NAALADL2: variants seen among roughly 807,000 people sequenced by gnomAD.
NAALADL2 encodes inactive N-acetylated-alpha-linked acidic dipeptidase-like protein 2.
In NAALADL2, 76 loss-of-function variants were observed where a neutral mutation model predicts 87.2. The observed-to-expected ratio is 0.87, with a 90% CI of 0.72 to 1.05. NAALADL2 has a LOEUF of 1.05. NAALADL2 is among the 50% of genes least tolerant of loss of function. NAALADL2 has a pLI of 0.00. For missense variants in NAALADL2, 1,089 were observed against 945.8 expected (o/e 1.15, Z -1.99); for synonymous variants, 354 against 331.0 (o/e 1.07, Z -0.75).
At chr3:174,707,920 T>G (rs1730253474) in intron 2 of NAALADL2, among the ~76,000 whole-genome samples, 1 of 152,168 alleles carries the variant, frequency 6.6e-6, no homozygotes, top group South Asian at 2.1e-4. Context: ...AGTATGTATT[T>G]ATAGACATAA....
intron 3 of NAALADL2, among the ~76,000 whole-genome samples, chr3:174,798,748 AT>A (rs1214927573): frequency 6.6e-6 from 1 of 152,076 alleles, no homozygotes; most frequent in Non-Finnish European, 1.5e-5. Context: ...AATATAATCA[AT>A]TTTTTATATA....
intron 1 of NAALADL2, among the ~76,000 whole-genome samples, chr3:174,516,340 A>G (rs181454240): frequency 6.6e-6 from 1 of 152,234 alleles, no homozygotes; most frequent in Admixed American, 6.5e-5. Flanking sequence ...GTGAAAGGAA[A>G]TACTATCTAC....
intron 2 of NAALADL2, among the ~76,000 whole-genome samples, chr3:175,132,779 C>G (rs1429838389): frequency 1.4e-5 from 2 of 141,948 alleles, no homozygotes; most frequent in Non-Finnish European, 3.1e-5. Flanking sequence ...GCTCTCCTGG[C>G]GGGGGCTGAC....
chr3:175,770,759 T>A (rs1355016988), intron 13 of NAALADL2, among the ~76,000 whole-genome samples: 1 of 152,168 alleles, frequency 6.6e-6, no homozygotes, highest in Non-Finnish European at 1.5e-5. Context: ...AATCTAATTT[T>A]ACACAATATA....
intron 9 of NAALADL2, among the ~76,000 whole-genome samples, chr3:175,505,875 A>G (rs778736024): frequency 6.6e-6 from 1 of 152,194 alleles, no homozygotes; most frequent in Non-Finnish European, 1.5e-5. Flanking sequence ...AAAGACTTAC[A>G]TCATTGGATT....
At chr3:175,274,198 G>A (rs1027891489) in intron 4 of NAALADL2, among the ~76,000 whole-genome samples, 1 of 152,140 alleles carries the variant, frequency 6.6e-6, no homozygotes, top group Non-Finnish European at 1.5e-5. Flanking sequence ...GCAAGAAGGT[G>A]TGTGCAGGGG....
At chr3:175,578,822 T>C (rs74466272) in intron 10 of NAALADL2, among the ~76,000 whole-genome samples, 1,784 of 152,374 alleles carry the variant, frequency 0.012, 29 homozygotes, top group African/African-American at 0.038. Flanking sequence ...TTGTGTACTT[T>C]TTCTCCACGG....
intron 5 of NAALADL2, among the ~76,000 whole-genome samples, chr3:175,392,882 G>A (rs1219222391): frequency 1.3e-5 from 2 of 152,168 alleles, no homozygotes; most frequent in Non-Finnish European, 2.9e-5. Flanking sequence ...CTAAATGAGG[G>A]CAATTTGCAC....
intron 3 of NAALADL2, among the ~76,000 whole-genome samples, chr3:174,771,466 C>T (rs1348677984): frequency 6.6e-6 from 1 of 152,098 alleles, no homozygotes; most frequent in African/African-American, 2.4e-5. Context: ...GGGTAATGTG[C>T]TGAGGTACAA....
At chr3:174,838,682 C>T (rs952825750) in intron 3 of NAALADL2, among the ~76,000 whole-genome samples, 26 of 152,148 alleles carry the variant, frequency 1.7e-4, no homozygotes, top group African/African-American at 6.3e-4. Context: ...AAATCAGTAA[C>T]TCTTCTATAC....
chr3:175,285,940 A>G (rs1251089595), intron 4 of NAALADL2, among the ~76,000 whole-genome samples: 1 of 152,204 alleles, frequency 6.6e-6, no homozygotes, highest in South Asian at 2.1e-4. Context: ...AGAATATACT[A>G]TGTCAAAGTG....
chr3:174,779,129 C>T (rs945757396), intron 3 of NAALADL2, among the ~76,000 whole-genome samples: 3 of 152,198 alleles, frequency 2.0e-5, no homozygotes, highest in African/African-American at 7.2e-5. Context: ...TCCACATTCT[C>T]TCCAGCATCT....
chr3:174,687,435 T>G (rs1041628048), intron 2 of NAALADL2, among the ~76,000 whole-genome samples: 17 of 152,116 alleles, frequency 1.1e-4, no homozygotes, highest in Non-Finnish European at 2.2e-4. Flanking sequence ...ATTTGTAATG[T>G]GTGTTTTGGC....
At chr3:174,889,407 C>T (rs1000821097) in intron 1 of NAALADL2, among the ~76,000 whole-genome samples, 1 of 152,104 alleles carries the variant, frequency 6.6e-6, no homozygotes, top group Non-Finnish European at 1.5e-5. Context: ...GGGATTTACA[C>T]CTGGCTTTTT....
chr3:175,014,601 T>G (rs980251338), intron 1 of NAALADL2, among the ~76,000 whole-genome samples: 3 of 152,274 alleles, frequency 2.0e-5, no homozygotes, highest in Admixed American at 2.0e-4. Flanking sequence ...TTTAAAAGGA[T>G]TTGGATGCTA....
At chr3:174,452,229 A>G (rs2108274539) in intron 1 of NAALADL2, among the ~76,000 whole-genome samples, 1 of 152,274 alleles carries the variant, frequency 6.6e-6, no homozygotes, top group East Asian at 1.9e-4. Flanking sequence ...AAGCAGTTGT[A>G]AACTGTGCTA....
At chr3:174,738,144 A>G (rs891187262) in intron 3 of NAALADL2, among the ~76,000 whole-genome samples, 2 of 152,216 alleles carry the variant, frequency 1.3e-5, no homozygotes, top group Non-Finnish European at 2.9e-5. Flanking sequence ...CCATGATACC[A>G]CATGGCTTGC....
At position 174,868,155 on chromosome 3, in the gene NAALADL2, G is replaced by A. The variant is rs59275431; in HGVS notation, c.43+8705G>A. 5.2e-3 allele frequency among the ~76,000 whole-genome samples: 794 copies of A among 152,170 alleles called. 8 individuals carry two copies. Among genetic ancestry groups the A allele is most frequent in the African/African-American group, 0.018 (757 of 41,548 alleles). Reference sequence around the variant, plus strand: ...TAGATACATTGTGAGGGGTAAATAGGTTATTTTGGAAGAAGGAGAAATGTA... The same window carrying A: ...TAGATACATTGTGAGGGGTAAATAGATTATTTTGGAAGAAGGAGAAATGTA... On this transcript the variant is annotated intron_variant, in intron 1 of 13. Coordinates refer to ENST00000454872, the MANE Select transcript of NAALADL2 (RefSeq NM_207015.3).
chr3:175,431,260 C>T lies in NAALADL2; in HGVS notation c.1091-15969C>T, dbSNP rs76208606. 8.2e-3 allele frequency among the ~76,000 whole-genome samples: 1,243 copies of T among 152,110 alleles called. 19 individuals are homozygous for T. Among genetic ancestry groups the T allele is most frequent in the African/African-American group, 0.028 (1,148 of 41,512 alleles). On this transcript the variant is annotated intron_variant, in intron 5 of 13. Coordinates refer to ENST00000454872, the MANE Select transcript of NAALADL2 (RefSeq NM_207015.3). ...CTGTACACTTCACGAGTTGGGCATA[C>T]TGCAGAAATGTCAATTTTCTTTCCT...
Sources: gnomAD v4.1 joint callset for allele counts (sites outside exome capture counted in the v4.1 genomes callset) on GRCh38, gnomAD v4.1.1 for gene constraint, MANE v1.5 for transcripts, NCBI Gene and HGNC (gene_info 2026-07-23, HGNC 2026-07-21) for gene names.